Variants in PPIL1 observed in about 807,000 individuals in gnomAD.
PPIL1 encodes the protein peptidylprolyl isomerase like 1.
PPIL1 carries 14 observed loss-of-function variants against 19.4 expected under a neutral mutation model. That is an observed-to-expected ratio of 0.72 (90% CI 0.48 to 1.13). The LOEUF is 1.13. PPIL1 is among the 50% of genes most tolerant of loss of function. The pLI is 0.00. For missense variants in PPIL1, 192 were observed against 218.0 expected (o/e 0.88, Z 0.75); for synonymous variants, 72 against 73.6 (o/e 0.98, Z 0.11).
Position 36,855,790 on chromosome 6 carries a change from A to G in PPIL1, c.*23T>C, listed in dbSNP as rs754632657. On this transcript the variant is annotated 3_prime_UTR_variant, in exon 4 of 4. Transcript: ENST00000373699. ...TGGTTCACTGGGGCCATCTCAGAAG[A>G]GCTGCTCAAGAGGGTAGCAAGTCTA... 9.3e-6 allele frequency: 15 copies of G among 1,608,066 alleles called. No individual in the cohort carries two copies. Among genetic ancestry groups the G allele is most frequent in the Middle Eastern group, 1.6e-4 (1 of 6,072 alleles).
At chr6:36,864,479 C>T (rs565472706) in intron 2 of PPIL1, among the ~76,000 whole-genome samples, 1 of 152,270 alleles carries the variant, frequency 6.6e-6, no homozygotes, top group East Asian at 1.9e-4. Context: ...CATGGATCAC[C>T]ACTTCATTTC....
chr6:36,856,152 A>G, intron 3 of PPIL1, 119 bp from the exon 4 acceptor site: 1 of 1,026,220 alleles, frequency 9.7e-7, no homozygotes, highest in South Asian at 1.6e-5. Flanking sequence ...CTCTGTCCAG[A>G]CCCAGACAAC....
At chr6:36,864,630 C>A (rs1451748466) in intron 2 of PPIL1, among the ~76,000 whole-genome samples, 2 of 152,132 alleles carry the variant, frequency 1.3e-5, no homozygotes, top group Non-Finnish European at 2.9e-5. Context: ...TGTCTGGAGA[C>A]AATTTGGGTT....
At chr6:36,866,420 C>A (rs1357521360) in intron 2 of PPIL1, among the ~76,000 whole-genome samples, 1 of 152,090 alleles carries the variant, frequency 6.6e-6, no homozygotes, top group African/African-American at 2.4e-5. Flanking sequence ...AAACGTGTCA[C>A]CTAATCAGCT....
chr6:36,859,811 TTGTGTGTGTGTG>T (rs71880744), intron 2 of PPIL1, among the ~76,000 whole-genome samples: 10 of 144,990 alleles, frequency 6.9e-5, no homozygotes, highest in Middle Eastern at 3.5e-3. Context: ...CTGTTTTCTA[TTGTGTGTGTGTG>T]TGTGTGTGTG....
intron 3 of PPIL1, 136 bp downstream of exon 3, chr6:36,856,450 G>A (rs1359906936): frequency 9.3e-6 from 7 of 754,338 alleles, no homozygotes; most frequent in Non-Finnish European, 1.6e-5. Context: ...AATCCACCAG[G>A]GCACTTCATG....
intron 1 of PPIL1, among the ~76,000 whole-genome samples, chr6:36,874,168 T>C (rs576064497): frequency 1.3e-5 from 2 of 152,310 alleles, no homozygotes; most frequent in South Asian, 4.1e-4. Context: ...CCTTCATGAT[T>C]TGAGTTGCTA....
chr6:36,874,679 G>T, intron 1 of PPIL1, 38 bp downstream of exon 1: 1 of 1,609,448 alleles, frequency 6.2e-7, no homozygotes, highest in East Asian at 2.2e-5. Context: ...CGGGCTCCGC[G>T]TCTCCTCTGC....
chr6:36,868,612 A>G (rs1424913098), intron 2 of PPIL1, among the ~76,000 whole-genome samples: 1 of 152,204 alleles, frequency 6.6e-6, no homozygotes, highest in Non-Finnish European at 1.5e-5. Flanking sequence ...CCGAGGCAGG[A>G]GGATCACTTA....
Position 36,855,906 on chromosome 6 carries a change from T to C in PPIL1, c.408A>G (p.Ile136Met), listed in dbSNP as rs760803828. 7 of 1,614,030 alleles carry C rather than the reference T, an allele frequency of 4.3e-6. No individual in the cohort carries two copies. In the Admixed American group the frequency reaches 1.2e-4, roughly 27 times the overall value. Reference sequence around the variant, plus strand: ...CCATTCCCACGCGATTCACCATTCCTATGCCCTGACACACTCGGCCAAAAA... The same window carrying C: ...CCATTCCCACGCGATTCACCATTCCCATGCCCTGACACACTCGGCCAAAAA... ...HTIFGRVCQG[I>M]GMVNRVGMVE... The change falls in exon 4 of 4, where the codon ATA becomes ATG. Residue 136 changes from isoleucine (I) to methionine (M), a missense_variant. Physicochemically the swap from Ile to Met is conservative, Grantham distance 10. Transcript: ENST00000373699.
intron 1 of PPIL1, among the ~76,000 whole-genome samples, chr6:36,872,611 CA>C (rs1166665397): frequency 6.7e-6 from 1 of 149,734 alleles, no homozygotes; most frequent in African/African-American, 2.4e-5. Context: ...AAGGATGTGA[CA>C]ATTTTTTTTT....
chr6:36,869,038 G>T (rs1053884755), intron 2 of PPIL1, among the ~76,000 whole-genome samples: 1 of 151,680 alleles, frequency 6.6e-6, no homozygotes, highest in African/African-American at 2.4e-5. Flanking sequence ...AGGCTGGAGT[G>T]CAGTGGGCAC....
At chr6:36,872,162 A>G (rs937877430) in intron 1 of PPIL1, among the ~76,000 whole-genome samples, 1 of 152,104 alleles carries the variant, frequency 6.6e-6, no homozygotes, top group East Asian at 1.9e-4. Context: ...GTATATATAT[A>G]TAGCTATATC....
chr6:36,864,528 C>T (rs1239952085), intron 2 of PPIL1, among the ~76,000 whole-genome samples: 1 of 152,106 alleles, frequency 6.6e-6, no homozygotes, highest in Admixed American at 6.6e-5. Flanking sequence ...AGAGGTTTCC[C>T]TAATCACACT....
chr6:36,873,661 A>T (rs1774568057), intron 1 of PPIL1, among the ~76,000 whole-genome samples: 1 of 152,216 alleles, frequency 6.6e-6, no homozygotes, highest in South Asian at 2.1e-4. Context: ...GAGCCTGAAG[A>T]TGTAGAATTT....
intron 2 of PPIL1, among the ~76,000 whole-genome samples, chr6:36,865,717 C>T (rs549335781): frequency 6.6e-6 from 1 of 152,308 alleles, no homozygotes; most frequent in Non-Finnish European, 1.5e-5. Context: ...CCACACCGTA[C>T]TATCATACAT....
At chr6:36,872,902 C>A (rs1312210926) in intron 1 of PPIL1, among the ~76,000 whole-genome samples, 3 of 152,166 alleles carry the variant, frequency 2.0e-5, no homozygotes, top group Admixed American at 2.0e-4. Flanking sequence ...AGCTATGGCA[C>A]CTGGCCAGAT....
chr6:36,857,109 T>C (rs765739119), intron 2 of PPIL1, among the ~76,000 whole-genome samples: 1 of 152,184 alleles, frequency 6.6e-6, no homozygotes, highest in Non-Finnish European at 1.5e-5. Flanking sequence ...AATCAATCAG[T>C]ATTCTTCCCT....
chr6:36,863,157 C>A (rs191816502), intron 2 of PPIL1, among the ~76,000 whole-genome samples: 1 of 152,310 alleles, frequency 6.6e-6, no homozygotes, highest in Admixed American at 6.5e-5. Context: ...ACTGAGGTAA[C>A]CCGAGCATTT....
Sources: gnomAD v4.1 joint callset for allele counts (sites outside exome capture counted in the v4.1 genomes callset) on GRCh38, gnomAD v4.1.1 for gene constraint, MANE v1.5 for transcripts, NCBI Gene and HGNC (gene_info 2026-07-23, HGNC 2026-07-21) for gene names.